PNPLA8: variants seen among roughly 807,000 people sequenced by gnomAD.
The protein encoded by PNPLA8 is calcium-independent phospholipase A2-gamma.
PNPLA8 carries 39 observed loss-of-function variants against 76.9 expected under a neutral mutation model. That is an observed-to-expected ratio of 0.51 (90% CI 0.39 to 0.66). The LOEUF (loss-of-function observed/expected upper bound fraction) is 0.66, where lower values mean the gene tolerates loss of function less well. Among genes scored for constraint, PNPLA8 ranks in the 30% least tolerant of loss-of-function variants. The probability of loss-of-function intolerance (pLI) is 0.00; values close to 1 mark genes in which losing one functional copy is unlikely to be tolerated. For missense variants in PNPLA8, 887 were observed against 918.0 expected (o/e 0.97, Z 0.44); for synonymous variants, 301 against 307.9 (o/e 0.98, Z 0.24).
intron 7 of PNPLA8, among the ~76,000 whole-genome samples, chr7:108,495,358 C>A (rs1221057745): frequency 6.6e-6 from 1 of 152,012 alleles, no homozygotes; most frequent in Admixed American, 6.6e-5. Context: ...TGGTGAAGAA[C>A]CATTAATATA....
At chr7:108,512,436 A>C (rs1490163596) in intron 4 of PNPLA8, among the ~76,000 whole-genome samples, 2 of 152,208 alleles carry the variant, frequency 1.3e-5, no homozygotes, top group East Asian at 3.8e-4. Context: ...ACAGTGAAAA[A>C]ATTATCACAG....
intron 5 of PNPLA8, among the ~76,000 whole-genome samples, chr7:108,500,387 C>T (rs1861850086): frequency 6.6e-6 from 1 of 152,174 alleles, no homozygotes. Context: ...ATTTCACTTT[C>T]CTGAGAAATA....
chr7:108,493,138 CTTG>C (rs1170145481), intron 7 of PNPLA8, among the ~76,000 whole-genome samples: 1 of 151,960 alleles, frequency 6.6e-6, no homozygotes, highest in East Asian at 1.9e-4. Context: ...TTTGGAGTGG[CTTG>C]TTCTGCAGCA....
Position 108,526,116 on chromosome 7 carries a change from G to C in PNPLA8, c.-217C>G, listed in dbSNP as rs1864064118. 1.0e-6 allele frequency: 1 copy of C among 985,178 alleles called. No individual in the cohort carries two copies. Among genetic ancestry groups the C allele is most frequent in the Non-Finnish European group, 1.2e-6 (1 of 829,646 alleles). The allele number at this position is 985,178 out of a possible 1,614,324, so 61.0% of individuals were successfully genotyped here. A position where few individuals can be genotyped will look rare whatever the true frequency, so the allele number is the denominator to read the frequency against. On this transcript the variant is annotated 5_prime_UTR_variant, in exon 1 of 11. Coordinates refer to ENST00000257694, the MANE Select transcript of PNPLA8 (RefSeq NM_001256007.3). Reference sequence around the variant, plus strand: ...CCACTCCAACCGGCCTGCATCAGCTGAGCTTCCAACACAAACACTGGCGCA... The same window carrying C: ...CCACTCCAACCGGCCTGCATCAGCTCAGCTTCCAACACAAACACTGGCGCA...
At chr7:108,497,720 A>C (rs1861646399) in intron 5 of PNPLA8, 143 bp from the exon 6 acceptor site, 2 of 450,798 alleles carry the variant, frequency 4.4e-6, no homozygotes, top group Admixed American at 4.3e-5. Flanking sequence ...ATCAGTAAAA[A>C]TTGCCTGTCC....
intron 4 of PNPLA8, chr7:108,510,985 C>T: frequency 6.8e-7 from 1 of 1,481,254 alleles, no homozygotes; most frequent in Non-Finnish European, 9.3e-7. Flanking sequence ...AAGGTGTCTA[C>T]CATGACTATT....
chr7:108,511,243 A>G (rs1015062159), intron 4 of PNPLA8, among the ~76,000 whole-genome samples: 1 of 152,182 alleles, frequency 6.6e-6, no homozygotes, highest in Non-Finnish European at 1.5e-5. Context: ...CTGCAACTCT[A>G]ATGAAATTAT....
chr7:108,497,562 G>A lies in PNPLA8; in HGVS notation c.1374C>T (p.Leu458=), dbSNP rs937416912. ...GTTCAACTAATTTTCGTAGGGTCTG[G>A]AGAGCAACCACGCCCCTACAGAAAA... ...DGGGTRGVVA[L]QTLRKLVELT... Residue 458 remains leucine (L), a synonymous_variant, in exon 6 of 11, where the codon CTC becomes CTT. Coordinates refer to ENST00000257694, the MANE Select transcript of PNPLA8 (RefSeq NM_001256007.3). 6.2e-7 allele frequency: 1 copy of A among 1,603,666 alleles called. No individual in the cohort carries two copies. Among genetic ancestry groups the A allele is most frequent in the South Asian group, 1.1e-5 (1 of 89,656 alleles).
chr7:108,502,912 T>A (rs1306070935), intron 4 of PNPLA8: 1 of 226,988 alleles, frequency 4.4e-6, no homozygotes, highest in African/African-American at 2.3e-5. Context: ...AAATATAATT[T>A]ATAGAAATTT....
chr7:108,516,963 A>G lies in PNPLA8; in HGVS notation c.-83-1389T>C, dbSNP rs143336685. Among the ~76,000 whole-genome samples, 1,351 of 152,306 alleles carry G rather than the reference A, an allele frequency of 8.9e-3. 21 individuals carry two copies. Among genetic ancestry groups the G allele is most frequent in the African/African-American group, 0.029 (1,199 of 41,558 alleles). On this transcript the variant is annotated intron_variant, in intron 2 of 10. Coordinates refer to ENST00000257694, the MANE Select transcript of PNPLA8 (RefSeq NM_001256007.3). ...CTCTGTGAAGGTCAATGTCAAGAGA[A>G]TAAGACAACGAGGCAGAGATTGGGA...
intron 1 of PNPLA8, among the ~76,000 whole-genome samples, chr7:108,523,391 G>C (rs996484617): frequency 1.3e-5 from 2 of 151,484 alleles, no homozygotes; most frequent in African/African-American, 4.9e-5. Context: ...GAAACAATTA[G>C]ACTTCTCTAT....
intron 4 of PNPLA8, among the ~76,000 whole-genome samples, chr7:108,512,443 A>G (rs1863002880): frequency 6.6e-6 from 1 of 152,196 alleles, no homozygotes. Context: ...AAAAATTATC[A>G]CAGACAATTC....
intron 2 of PNPLA8, among the ~76,000 whole-genome samples, chr7:108,517,499 C>A (rs1374133531): frequency 6.6e-6 from 1 of 152,114 alleles, no homozygotes; most frequent in African/African-American, 2.4e-5. Flanking sequence ...TTCAAAACAA[C>A]AAGATGTATT....
At chr7:108,496,436 T>C in intron 7 of PNPLA8, 148 bp downstream of exon 7, 1 of 522,000 alleles carries the variant, frequency 1.9e-6, no homozygotes, top group Non-Finnish European at 3.2e-6. Context: ...ACAGTGGTTA[T>C]CTCTAATTAG....
intron 2 of PNPLA8, among the ~76,000 whole-genome samples, chr7:108,519,449 T>C (rs887823114): frequency 6.6e-6 from 1 of 152,128 alleles, no homozygotes; most frequent in African/African-American, 2.4e-5. Flanking sequence ...AGAGATTACA[T>C]GTAGTCTAGT....
upstream of PNPLA8, chr7:108,526,190 G>T: frequency 1.4e-6 from 1 of 703,340 alleles, no homozygotes; most frequent in Non-Finnish European, 1.7e-6. Flanking sequence ...GCCCCCAGCG[G>T]AAGTGACGCG....
Position 108,514,874 on chromosome 7 carries a change from A to T in PNPLA8, c.618T>A (p.Phe206Leu), listed in dbSNP as rs1440268517. 3 of 1,609,296 alleles carry T rather than the reference A, an allele frequency of 1.9e-6. No homozygotes were observed. The highest frequency in any genetic ancestry group is 2.5e-6 in the Non-Finnish European group (3 of 1,177,000). The change falls in exon 3 of 11, where the codon TTT becomes TTA. Residue 206 changes from phenylalanine to leucine, a missense_variant. Phe to Leu is a conservative substitution (Grantham distance 22). Transcript: ENST00000257694. ...AATATGAATTAATATGATTTGATAA[A>T]AAGTAGAATGAGTCTCCAAATTTTG... is the stretch of plus-strand genomic sequence containing the variant. ...ITTKFGDSFY[F>L]LSNHINSYFK... is the part of the protein sequence containing the mutation.
intron 6 of PNPLA8, 59 bp downstream of exon 6, chr7:108,497,424 T>A: frequency 8.8e-7 from 1 of 1,139,710 alleles, no homozygotes. Flanking sequence ...CATAAGTGCT[T>A]AATGTTCTTT....
chr7:108,502,177 T>G (rs1456234430), intron 5 of PNPLA8, among the ~76,000 whole-genome samples: 1 of 151,792 alleles, frequency 6.6e-6, no homozygotes, highest in Non-Finnish European at 1.5e-5. Flanking sequence ...GCGCAGTGGC[T>G]CGCGCCTGTA....
Sources: allele counts gnomAD v4.1 joint callset (sites outside exome capture counted in the v4.1 genomes callset), GRCh38; gene constraint gnomAD v4.1.1; transcripts MANE v1.5; gene names NCBI Gene and HGNC (gene_info 2026-07-23, HGNC 2026-07-21).